The following ESCO1 variants were observed in gnomAD, a reference collection of about 807,000 sequenced individuals.
ESCO1 encodes the protein N-acetyltransferase ESCO1.
ESCO1 carries 33 observed loss-of-function variants against 83.5 expected under a neutral mutation model. The ratio of observed to expected loss-of-function variants is 0.40; its 90% confidence interval spans 0.30 to 0.53. ESCO1 has a LOEUF of 0.53. ESCO1 is among the 20% of genes least tolerant of loss of function. The pLI, the probability that ESCO1 is intolerant of heterozygous loss-of-function variation, is 0.63. For missense variants in ESCO1, 855 were observed against 968.0 expected, an observed-to-expected ratio of 0.88 and a Z score of 1.55; for synonymous variants, 332 against 324.3, an observed-to-expected ratio of 1.02 and a Z score of -0.25.
chr18:21,564,425 C>G, intron 6 of ESCO1, 108 bp from the exon 7 acceptor site: 3 of 761,746 alleles, frequency 3.9e-6, no homozygotes, highest in Non-Finnish European at 6.0e-6. Flanking sequence ...AAGTCTCACT[C>G]TGTCGCCCAG....
intron 8 of ESCO1, among the ~76,000 whole-genome samples, chr18:21,547,988 G>C (rs1224306527): frequency 6.6e-6 from 1 of 152,152 alleles, no homozygotes; most frequent in Admixed American, 6.5e-5. Flanking sequence ...TGTAGTCCCA[G>C]CTACTCAAGA....
At chr18:21,546,215 A>C (rs1255212400) in intron 8 of ESCO1, among the ~76,000 whole-genome samples, 1 of 152,120 alleles carries the variant, frequency 6.6e-6, no homozygotes, top group Non-Finnish European at 1.5e-5. Flanking sequence ...TGGGCAAATT[A>C]CTTAACCTCT....
intron 1 of ESCO1, chr18:21,593,076 G>T: frequency 6.3e-6 from 1 of 159,394 alleles, no homozygotes; most frequent in South Asian, 1.1e-4. Context: ...ATGGGATGGC[G>T]GCCGGGCAGA....
intron 4 of ESCO1, among the ~76,000 whole-genome samples, 189 bp from the exon 5 acceptor site, chr18:21,568,283 T>G (rs1405280173): frequency 6.6e-6 from 1 of 152,120 alleles, no homozygotes; most frequent in African/African-American, 2.4e-5. Flanking sequence ...TTACCCTTCA[T>G]GCTAAATTTA....
chr18:21,593,901 G>A (rs72884755), intron 1 of ESCO1, among the ~76,000 whole-genome samples: 3,121 of 151,988 alleles, frequency 0.021, 47 homozygotes, highest in Middle Eastern at 0.041. Flanking sequence ...ATCAAGTGTG[G>A]GTTTGTGACC....
At position 21,583,965 on chromosome 18, in the gene ESCO1, G is replaced by C. The variant is rs1483074460; in HGVS notation, c.-694+345C>G. Among the ~76,000 whole-genome samples, 5 of 152,180 alleles carry C rather than the reference G, an allele frequency of 3.3e-5. No homozygotes were observed. In the East Asian group the frequency reaches 9.6e-4, roughly 29 times the overall value. ...AACCAAAAAAGCAAAGTGCAGAAGA[G>C]AGAATGTAGCATGTCTCCCTTTGTG... On this transcript the variant is annotated intron_variant, in intron 2 of 11. Coordinates refer to ENST00000269214, the MANE Select transcript of ESCO1 (RefSeq NM_052911.3).
rs2038395785 is a variant in ESCO1 at position 21,574,703 on chromosome 18, T to C, written c.141A>G (p.Ser47=). 1 of 1,613,288 alleles carries C rather than the reference T, an allele frequency of 6.2e-7. No individual in the cohort carries two copies. The highest frequency in any genetic ancestry group is 8.5e-7 in the Non-Finnish European group (1 of 1,180,000). The change falls in exon 4 of 12, where the codon TCA becomes TCG. Residue 47 remains serine, a synonymous_variant. Transcript: ENST00000269214. ...TACTTTCACTGGAAGATTTAGCCTG[T>C]GATTTTATAGTCTCCTTTGGACCTG... The part of the protein sequence containing the change: ...KKSGPKETIK[S]QAKSSSESKI...
chr18:21,579,795 CACACACACACACACACA>C (rs2038473934), intron 2 of ESCO1, among the ~76,000 whole-genome samples: 2 of 10,564 alleles, frequency 1.9e-4, no homozygotes, highest in African/African-American at 2.6e-4. Context: ...CGCGCGCGCG[CACACACACACACACACA>C]CACACACACA....
chr18:21,586,050 T>A (rs1002283452), intron 1 of ESCO1, among the ~76,000 whole-genome samples: 8 of 152,274 alleles, frequency 5.3e-5, no homozygotes, highest in African/African-American at 1.9e-4. Flanking sequence ...GAACATTTCA[T>A]ATCTCTTCTA....
intron 4 of ESCO1, among the ~76,000 whole-genome samples, chr18:21,572,282 A>G (rs2038351310): frequency 6.6e-6 from 1 of 152,224 alleles, no homozygotes; most frequent in African/African-American, 2.4e-5. Flanking sequence ...AGTTTGATCT[A>G]TGTTAGAGTT....
At chr18:21,589,901 C>T (rs2038639559) in intron 1 of ESCO1, among the ~76,000 whole-genome samples, 1 of 152,024 alleles carries the variant, frequency 6.6e-6, no homozygotes, top group Non-Finnish European at 1.5e-5. Context: ...CATCTCGGCT[C>T]ACTGCAAGCT....
At chr18:21,572,244 T>C (rs993800501) in intron 4 of ESCO1, among the ~76,000 whole-genome samples, 6 of 152,214 alleles carry the variant, frequency 3.9e-5, no homozygotes, top group Admixed American at 3.9e-4. Flanking sequence ...AGTTTTCTTA[T>C]TATAAAATTA....
intron 1 of ESCO1, among the ~76,000 whole-genome samples, chr18:21,590,190 C>T (rs1190753683): frequency 2.0e-5 from 3 of 151,280 alleles, no homozygotes. Flanking sequence ...CTGCTGATCA[C>T]TTCCTTTCTT....
rs373573118 is a variant in ESCO1, at chr18:21,574,138, C to T, written c.706G>A (p.Glu236Lys). The T allele has an allele frequency of 1.9e-6, 3 of 1,613,776 alleles. No homozygotes were observed. Among genetic ancestry groups the T allele is most frequent in the South Asian group, 1.1e-5 (1 of 91,082 alleles). The change falls in exon 4 of 12, where the codon GAA (glutamate) becomes AAA (lysine). Residue 236 changes from glutamate (E) to lysine (K), a missense_variant. Physicochemically the swap from Glu to Lys is moderately conservative, Grantham distance 56 (BLOSUM62 1). Transcript: ENST00000269214. ...GAAGTTACAGGCACAGGTTTCGTTT[C>T]GTCTCTTCTAGTAGTCTTCTGAGGA... ...KCPQKTTRRD[E>K]TKPVPVTSEV...
In ESCO1 at chr18:21,563,532, G is replaced by C. The variant is rs975445101; in HGVS notation, c.1821+671C>G. ...CTGGCTAATTTTTGCATTTTTAGTA[G>C]AGACAGGATTTCACCATGCTGGCCA... On this transcript the variant is annotated intron_variant, in intron 7 of 11. Coordinates refer to ENST00000269214, the MANE Select transcript of ESCO1 (RefSeq NM_052911.3). Among the ~76,000 whole-genome samples the C allele has an allele frequency of 3.9e-5, 6 of 151,912 alleles. No individual in the cohort carries two copies. In the East Asian group the frequency reaches 5.8e-4, roughly 15 times the overall value.
rs748068373 is a variant in ESCO1 at position 21,566,139 on chromosome 18, A to T, written c.1706+7T>A. On this transcript the variant is annotated splice_region_variant and intron_variant, in intron 6 of 11. Coordinates refer to ENST00000269214, the MANE Select transcript of ESCO1 (RefSeq NM_052911.3). ...CCTTAAGCTCTAAAATTTAATTAATAGCTTACCTGTTATCACTGCTTTTAG... is the reference window on the plus strand; with the variant it reads ...CCTTAAGCTCTAAAATTTAATTAATTGCTTACCTGTTATCACTGCTTTTAG... The T allele has an allele frequency of 6.2e-7, 1 of 1,610,550 alleles. No homozygotes were observed. The highest frequency in any genetic ancestry group is 1.7e-5 in the Admixed American group (1 of 59,522).
chr18:21,579,422 A>C (rs960778530), intron 2 of ESCO1, among the ~76,000 whole-genome samples: 1 of 151,522 alleles, frequency 6.6e-6, no homozygotes, highest in Non-Finnish European at 1.5e-5. Context: ...CGATCATACC[A>C]CTGCACTCCA....
At position 21,529,746 on chromosome 18, in the gene ESCO1, G is replaced by C. The variant is rs1446027013; in HGVS notation, c.*597C>G. 1 of 151,548 alleles carries C rather than the reference G, an allele frequency of 6.6e-6. No individual in the cohort carries two copies. The highest frequency in any genetic ancestry group is 1.5e-5 in the Non-Finnish European group (1 of 67,842). 9.4% of individuals were successfully genotyped at this position (151,548 alleles called of 1,614,324 possible). ...CAAAGATAGGAAAGAGAAAAATCAG[G>C]AAAAAAAAGCTCAATATTCTAATTC... On this transcript the variant is annotated 3_prime_UTR_variant, in exon 12 of 12. Coordinates refer to ENST00000269214, the MANE Select transcript of ESCO1 (RefSeq NM_052911.3).
chr18:21,552,812 C>G (rs999752577), intron 8 of ESCO1, among the ~76,000 whole-genome samples: 1 of 152,192 alleles, frequency 6.6e-6, no homozygotes, highest in Non-Finnish European at 1.5e-5. Flanking sequence ...ACAGACCTTG[C>G]ATCTCTCACA....
Sources: gnomAD v4.1 joint callset for allele counts (sites outside exome capture counted in the v4.1 genomes callset) on GRCh38, gnomAD v4.1.1 for gene constraint, MANE v1.5 for transcripts, NCBI Gene and HGNC (gene_info 2026-07-23, HGNC 2026-07-21) for gene names.